Variants in GRIA2 observed in about 807,000 individuals in gnomAD.
The protein encoded by GRIA2 is glutamate receptor 2.
In GRIA2, 14 loss-of-function variants were observed where a neutral mutation model predicts 97.3. That is an observed-to-expected ratio of 0.14 (90% CI 0.10 to 0.23). The LOEUF is 0.23. Among genes scored for constraint, GRIA2 ranks in the 10% least tolerant of loss-of-function variants. The pLI is 1.00. For missense variants in GRIA2, 558 were observed against 1,069.8 expected, an observed-to-expected ratio of 0.52 and a Z score of 6.67; for synonymous variants, 412 against 387.8, an observed-to-expected ratio of 1.06 and a Z score of -0.73.
At chr4:157,231,947 A>C (rs1730038579) in intron 2 of GRIA2, among the ~76,000 whole-genome samples, 1 of 152,242 alleles carries the variant, frequency 6.6e-6, no homozygotes, top group African/African-American at 2.4e-5. Context: ...ATATTTAATA[A>C]TAATTCTCAA....
chr4:157,362,779 T>C lies in GRIA2; in HGVS notation c.2407-20T>C. The C allele has an allele frequency of 6.2e-7, 1 of 1,601,442 alleles. No homozygotes were observed. Among genetic ancestry groups the C allele is most frequent in the Non-Finnish European group, 8.5e-7 (1 of 1,173,466 alleles). On this transcript the variant is annotated intron_variant, in intron 14 of 15. Transcript: ENST00000264426. ...ACCAGTTTGCCTTCCTAATAACCTC[T>C]TCTCATATACATTCTTTAGGAAAAG...
chr4:157,286,239 G>A (rs957955534), intron 2 of GRIA2, among the ~76,000 whole-genome samples: 2 of 151,246 alleles, frequency 1.3e-5, no homozygotes, highest in Non-Finnish European at 3.0e-5. Context: ...AGTAATACTT[G>A]TTTTTTATTG....
intron 6 of GRIA2, among the ~76,000 whole-genome samples, chr4:157,325,937 T>C (rs549644677): frequency 6.6e-6 from 1 of 152,198 alleles, no homozygotes; most frequent in East Asian, 1.9e-4. Flanking sequence ...ATAAATAGAT[T>C]ATTTTGTGGT....
intron 2 of GRIA2, among the ~76,000 whole-genome samples, chr4:157,271,066 T>A (rs1175271064): frequency 1.3e-5 from 2 of 152,064 alleles, no homozygotes; most frequent in African/African-American, 4.8e-5. Flanking sequence ...ATATAGATTA[T>A]TACTGGTTCA....
intron 2 of GRIA2, among the ~76,000 whole-genome samples, chr4:157,291,523 G>C (rs995934359): frequency 6.6e-6 from 1 of 151,824 alleles, no homozygotes; most frequent in African/African-American, 2.4e-5. Context: ...CTTTTTAAAA[G>C]TCCATCTATT....
intron 2 of GRIA2, among the ~76,000 whole-genome samples, chr4:157,241,689 G>C (rs1730519308): frequency 6.6e-6 from 1 of 152,006 alleles, no homozygotes; most frequent in South Asian, 2.1e-4. Context: ...ATCCACTTCT[G>C]AGATTGCCTT....
chr4:157,249,513 A>T (rs989273431), intron 2 of GRIA2: 1 of 152,166 alleles, frequency 6.6e-6, no homozygotes, highest in African/African-American at 2.4e-5. Flanking sequence ...CAGAAAGACC[A>T]GGTGATTTAG....
intron 5 of GRIA2, among the ~76,000 whole-genome samples, chr4:157,319,954 AG>A (rs1734487706): frequency 6.6e-6 from 1 of 152,146 alleles, no homozygotes; most frequent in Non-Finnish European, 1.5e-5. Context: ...TTCTTTAAAA[AG>A]CCATGGTTCC....
chr4:157,240,881 C>T lies in GRIA2; in HGVS notation c.229+19074C>T, dbSNP rs376963676. On this transcript the variant is annotated intron_variant, in intron 2 of 15. Coordinates refer to ENST00000264426, the MANE Select transcript of GRIA2 (RefSeq NM_001083619.3). ...CCTCTCCCCCCACCCCACAACAGTCCCCAGAGTGTGATGTTCCCCTTCCTG... is the reference window on the plus strand; with the variant it reads ...CCTCTCCCCCCACCCCACAACAGTCTCCAGAGTGTGATGTTCCCCTTCCTG... Among the ~76,000 whole-genome samples, 55 of 151,590 alleles carry T rather than the reference C, an allele frequency of 3.6e-4. No homozygotes were observed. The South Asian group carries it at 9.2e-3, about 25-fold the overall frequency.
chr4:157,251,852 A>G (rs1272409802), intron 2 of GRIA2, among the ~76,000 whole-genome samples: 1 of 152,154 alleles, frequency 6.6e-6, no homozygotes, highest in African/African-American at 2.4e-5. Flanking sequence ...CAGAAGCCTT[A>G]TAGACTAGTC....
chr4:157,233,973 C>T (rs1057278344), intron 2 of GRIA2, among the ~76,000 whole-genome samples: 2 of 152,086 alleles, frequency 1.3e-5, no homozygotes, highest in Non-Finnish European at 2.9e-5. Context: ...TTGGCTACTT[C>T]CTAAACCAGA....
rs1235307410 is a variant in GRIA2 at position 157,317,805 on chromosome 4, A to T, written c.720+94A>T. 26 of 602,590 alleles carry T rather than the reference A, an allele frequency of 4.3e-5. No individual in the cohort carries two copies. In the South Asian group the frequency reaches 4.7e-4, roughly 11 times the overall value. The allele number at this position is 602,590 out of a possible 1,614,324, so 37.3% of individuals were successfully genotyped here. On this transcript the variant is annotated intron_variant, in intron 5 of 15. Transcript: ENST00000264426. ...GGCCAGCATTTATCAGTGGTGTTTT[A>T]AAAAATACAGTTTGATTGTAATTAG... is the stretch of plus-strand genomic sequence containing the variant.
intron 2 of GRIA2, among the ~76,000 whole-genome samples, chr4:157,235,200 C>T (rs1407673119): frequency 1.3e-5 from 2 of 151,976 alleles, no homozygotes; most frequent in East Asian, 1.9e-4. Flanking sequence ...TTTTATCTAC[C>T]TTGTTTGTAT....
chr4:157,342,273 G>T, intron 12 of GRIA2: 1 of 983,140 alleles, frequency 1.0e-6, no homozygotes, highest in Non-Finnish European at 1.2e-6. Context: ...CCGGAATTAG[G>T]ATTAGGACCT....
chr4:157,294,214 T>A, intron 2 of GRIA2, among the ~76,000 whole-genome samples: 1 of 151,832 alleles, frequency 6.6e-6, no homozygotes, highest in Non-Finnish European at 1.5e-5. Flanking sequence ...TTGTATTTTA[T>A]TTAAAGGATA....
chr4:157,306,836 AT>A (rs1282011295), intron 3 of GRIA2, among the ~76,000 whole-genome samples: 1 of 152,150 alleles, frequency 6.6e-6, no homozygotes, highest in Non-Finnish European at 1.5e-5. Context: ...GTCCGAAATC[AT>A]TTTGCTTATG....
chr4:157,266,735 T>C (rs1009241952), intron 2 of GRIA2, among the ~76,000 whole-genome samples: 1 of 152,042 alleles, frequency 6.6e-6, no homozygotes, highest in African/African-American at 2.4e-5. Context: ...TTGTTCTATC[T>C]TTTGAGAGAC....
intron 2 of GRIA2, among the ~76,000 whole-genome samples, chr4:157,229,258 C>T (rs1482750683): frequency 1.3e-5 from 2 of 152,068 alleles, no homozygotes; most frequent in East Asian, 1.9e-4. Flanking sequence ...GGTTTGTTTT[C>T]TAACGATTTT....
In GRIA2 at chr4:157,361,067, G is replaced by T; in HGVS notation, c.2349G>T (p.Leu783Phe). The T allele has an allele frequency of 1.2e-5, 19 of 1,613,804 alleles. No homozygotes were observed. Among genetic ancestry groups the T allele is most frequent in the Non-Finnish European group, 1.6e-5 (19 of 1,179,728 alleles). Residue 783 changes from leucine (L) to phenylalanine (F), a missense_variant, in exon 14 of 16, where the codon TTG becomes TTT. Physicochemically the swap from Leu to Phe is conservative, Grantham distance 22. This residue lies in a region of GRIA2 where 125 missense variants were observed against 310.2 expected (regional missense o/e 0.40). Transcript: ENST00000264426. This position sits in a 1 kb window ranked among gnomAD's most constrained non-coding sequence, Gnocchi z 5.2. ...KLNEQGLLDK[L>F]KNKWWYDKGE... ...ATGAACAAGGCCTGTTGGACAAATTGAAAAACAAATGGTGGTACGACAAAG... is the reference window on the plus strand; with the variant it reads ...ATGAACAAGGCCTGTTGGACAAATTTAAAAACAAATGGTGGTACGACAAAG...
Sources: gnomAD v4.1 joint callset for allele counts (sites outside exome capture counted in the v4.1 genomes callset) on GRCh38, gnomAD v4.1.1 for gene constraint, gnomAD v4.1.1 regional missense constraint, Gnocchi (gnomAD v3.1) non-coding constraint, MANE v1.5 for transcripts, NCBI Gene and HGNC (gene_info 2026-07-23, HGNC 2026-07-21) for gene names.